PRSS36: variants seen among roughly 807,000 people sequenced by gnomAD.
PRSS36 encodes the protein serine protease 36.
In PRSS36, 90 loss-of-function variants were observed where a neutral mutation model predicts 94.3. That is an observed-to-expected ratio of 0.95 (90% CI 0.80 to 1.14). PRSS36 has a LOEUF of 1.14. PRSS36 is among the 50% of genes most tolerant of loss of function. PRSS36 has a pLI of 0.00. For missense variants in PRSS36, 1,158 were observed against 1,135.0 expected, an observed-to-expected ratio of 1.02 and a Z score of -0.29; for synonymous variants, 500 against 489.6, an observed-to-expected ratio of 1.02 and a Z score of -0.28.
In PRSS36 at chr16:31,138,982, C is replaced by CA. The variant is rs2057635025; in HGVS notation, c.*155dup. 1 of 808,604 alleles carries CA rather than the reference C, an allele frequency of 1.2e-6. No homozygotes were observed. The highest frequency in any genetic ancestry group is 1.7e-5 in the African/African-American group (1 of 57,516). 50.1% of individuals were successfully genotyped at this position (808,604 alleles called of 1,614,324 possible). A position where few individuals can be genotyped will look rare whatever the true frequency, so the allele number is the denominator to read the frequency against. ...CACCACCCCCAAGGATTCCTGGGTT[C>CA]AAAATAGCCCGGGCACTGAGGCCCA... On this transcript the variant is annotated 3_prime_UTR_variant, in exon 15 of 15. Transcript: ENST00000268281.
chr16:31,148,922 A>G (rs903526959), intron 4 of PRSS36, 151 bp downstream of exon 4: 20 of 1,025,390 alleles, frequency 2.0e-5, no homozygotes, highest in Non-Finnish European at 2.7e-5. Context: ...CCCCACTCGG[A>G]ACCATGATGC....
Position 31,148,614 on chromosome 16 carries a change from C to G in PRSS36, c.334G>C (p.Gly112Arg). The G allele has an allele frequency of 1.9e-6, 3 of 1,612,076 alleles. No individual in the cohort carries two copies. The highest frequency in any genetic ancestry group is 2.5e-6 in the Non-Finnish European group (3 of 1,179,516). ...CGGGTGTGCGCGCCGTCCAGGGGCC[C>G]GTCCTGGGAGTGCACGCCCAGCAGT... ...SVLLGVHSQD[G>R]PLDGAHTRAV... is the part of the protein sequence containing the mutation. Residue 112 changes from glycine to arginine, a missense_variant, in exon 5 of 15, where the codon GGG (glycine) becomes CGG (arginine). Coordinates refer to ENST00000268281, the MANE Select transcript of PRSS36 (RefSeq NM_173502.5).
At position 31,143,784 on chromosome 16, in the gene PRSS36, T is replaced by C. The variant is rs1466461893; in HGVS notation, c.774A>G (p.Ala258=). The C allele has an allele frequency of 6.2e-7, 1 of 1,613,966 alleles. No homozygotes were observed. Among genetic ancestry groups the C allele is most frequent in the Non-Finnish European group, 8.5e-7 (1 of 1,180,034 alleles). ...VCEEGGRWFQ[A]GITSFGFGCG... is the part of the protein sequence containing the mutation. ...AGCCAAAGCCAAAGCTGGTGATTCCTGCCTGGAACCAGCGGCCGCCTTCCT... is the reference window on the plus strand; with the variant it reads ...AGCCAAAGCCAAAGCTGGTGATTCCCGCCTGGAACCAGCGGCCGCCTTCCT... The change falls in exon 7 of 15, where the codon GCA becomes GCG. Residue 258 remains alanine (A), a synonymous_variant. Transcript: ENST00000268281.
chr16:31,140,798 T>C (rs763074491), intron 12 of PRSS36, 41 bp from the exon 13 acceptor site: 1 of 1,604,804 alleles, frequency 6.2e-7, no homozygotes, highest in Non-Finnish European at 8.5e-7. Context: ...GCTCCTCCCA[T>C]TGCTGGCAAA....
In PRSS36 at chr16:31,145,826, C is replaced by T. The variant is rs757474838; in HGVS notation, c.683G>A (p.Cys228Tyr). 6 of 1,613,890 alleles carry T rather than the reference C, an allele frequency of 3.7e-6. No homozygotes were observed. In the East Asian group the frequency reaches 1.3e-4, roughly 36 times the overall value. Residue 228 changes from cysteine (C) to tyrosine (Y), a missense_variant, in exon 6 of 15, where the codon TGT (cysteine) becomes TAT (tyrosine). Physicochemically the swap from Cys to Tyr is radical, Grantham distance 194 (BLOSUM62 -2). Coordinates refer to ENST00000268281, the MANE Select transcript of PRSS36 (RefSeq NM_173502.5). ...CCTGCGGCCCTCTGGGTAGCCAGCACACAGCATCCCTGGCAATATCTGGAG... is the reference window on the plus strand; with the variant it reads ...CCTGCGGCCCTCTGGGTAGCCAGCATACAGCATCCCTGGCAATATCTGGAG... ...LTLQILPGMLCAGYPEGRRDT... is the reference protein window; with the variant it reads ...LTLQILPGMLYAGYPEGRRDT...
intron 5 of PRSS36, 90 bp from the exon 6 acceptor site, chr16:31,146,045 T>G (rs2057795917): frequency 7.7e-7 from 1 of 1,290,794 alleles, no homozygotes; most frequent in African/African-American, 1.5e-5. Flanking sequence ...GGCTGCTTCT[T>G]GGACATCAGC....
rs2057754738 is a variant in PRSS36 at position 31,143,719 on chromosome 16, G to A, written c.839C>T (p.Ala280Val). The A allele has an allele frequency of 2.5e-6, 4 of 1,614,166 alleles. 1 individual carries two copies. The highest frequency in any genetic ancestry group is 1.7e-6 in the Non-Finnish European group (2 of 1,180,030). Residue 280 changes from alanine (A) to valine (V), a missense_variant, in exon 7 of 15, where the codon GCT becomes GTT. Physicochemically the swap from Ala to Val is moderately conservative, Grantham distance 64. Coordinates refer to ENST00000268281, the MANE Select transcript of PRSS36 (RefSeq NM_173502.5). ...CTCCCGTATCCATGCCTCATAGGTA[G>A]CCACAGCAGTGAAAACTCCAGGGCG... is the stretch of plus-strand genomic sequence containing the variant. ...RNRPGVFTAV[A>V]TYEAWIREQV...
chr16:31,146,647 TG>T (rs1567452805), intron 5 of PRSS36, among the ~76,000 whole-genome samples: 1 of 151,138 alleles, frequency 6.6e-6, no homozygotes, highest in African/African-American at 2.4e-5. Flanking sequence ...GAGTAGGGGG[TG>T]GGGGGAAGTA....
intron 5 of PRSS36, among the ~76,000 whole-genome samples, chr16:31,147,405 A>G (rs1377607639): frequency 1.3e-5 from 2 of 152,018 alleles, no homozygotes; most frequent in South Asian, 2.1e-4. Flanking sequence ...TCCTGCCCTG[A>G]TGGGACCTCC....
At position 31,148,383 on chromosome 16, in the gene PRSS36, C is replaced by T. The variant is rs375973294; in HGVS notation, c.553+12G>A. On this transcript the variant is annotated intron_variant, in intron 5 of 14. Coordinates refer to ENST00000268281, the MANE Select transcript of PRSS36 (RefSeq NM_173502.5). ...TCCCCGAGGCCCTCCCCTCTTGTCC[C>T]GTCCCACTCACCTGCCTCCTGGACG... 3.9e-6 allele frequency: 6 copies of T among 1,552,018 alleles called. No individual in the cohort carries two copies. Among genetic ancestry groups the T allele is most frequent in the South Asian group, 1.2e-5 (1 of 85,080 alleles).
rs2057721686 is a variant in PRSS36 at position 31,142,598 on chromosome 16, G to T, written c.1404C>A (p.Gly468=). 6.6e-7 allele frequency: 1 copy of T among 1,518,186 alleles called. No homozygotes were observed. Among genetic ancestry groups the T allele is most frequent in the South Asian group, 1.2e-5 (1 of 82,262 alleles). The allele number at this position is 1,518,186 out of a possible 1,614,324, so 94.0% of individuals were successfully genotyped here. A position where few individuals can be genotyped will look rare whatever the true frequency, so the allele number is the denominator to read the frequency against. Reference sequence around the variant, plus strand: ...CGTACAGGCAGTGGCACCACCAGCCGCCTAACAGCTCCGCCTCCAGCAGCG... The same window carrying T: ...CGTACAGGCAGTGGCACCACCAGCCTCCTAACAGCTCCGCCTCCAGCAGCG... The part of the protein sequence containing the change: ...PGALLEAELL[G]GWWCHCLYGR... The change falls in exon 10 of 15, where the codon GGC becomes GGA. Residue 468 remains glycine (G), a synonymous_variant. Coordinates refer to ENST00000268281, the MANE Select transcript of PRSS36 (RefSeq NM_173502.5).
intron 14 of PRSS36, among the ~76,000 whole-genome samples, chr16:31,139,634 C>G (rs1223159697): frequency 6.6e-6 from 1 of 152,094 alleles, no homozygotes; most frequent in East Asian, 1.9e-4. Context: ...AATCCCAACC[C>G]TTTGGGAAGC....
At chr16:31,142,438 C>G in intron 10 of PRSS36, 43 bp downstream of exon 10, 1 of 1,416,732 alleles carries the variant, frequency 7.1e-7, no homozygotes, top group Non-Finnish European at 9.2e-7. Flanking sequence ...TTCCTAGAGC[C>G]CTCTCGGGCC....
rs779102715 is a variant in PRSS36 at position 31,148,712 on chromosome 16, C to T, written c.273-37G>A. The T allele has an allele frequency of 2.5e-6, 4 of 1,607,994 alleles. No individual in the cohort carries two copies. In the African/African-American group the frequency reaches 4.0e-5, roughly 16 times the overall value. Reference sequence around the variant, plus strand: ...CGGGGCAGTAGGAGGTTAGGTTGACCCTATGGAGGGGGCAGACCCTCGTTG... The same window carrying T: ...CGGGGCAGTAGGAGGTTAGGTTGACTCTATGGAGGGGGCAGACCCTCGTTG... On this transcript the variant is annotated intron_variant, in intron 4 of 14. Transcript: ENST00000268281.
chr16:31,142,279 T>C (rs1390781447), intron 10 of PRSS36, among the ~76,000 whole-genome samples: 1 of 151,444 alleles, frequency 6.6e-6, no homozygotes, highest in East Asian at 1.9e-4. Flanking sequence ...CATTCCCAGT[T>C]CCGCAAGCCC....
intron 5 of PRSS36, among the ~76,000 whole-genome samples, chr16:31,146,869 T>G (rs34682121): frequency 2.4e-4 from 37 of 152,200 alleles, no homozygotes; most frequent in Non-Finnish European, 4.1e-4. Flanking sequence ...TAATCCCAGC[T>G]ACTTGGGAGA....
In PRSS36 at chr16:31,145,801, C is replaced by T. The variant is rs761104329; in HGVS notation, c.708G>A (p.Arg236=). Residue 236 remains arginine, a synonymous_variant, in exon 6 of 15, where the codon AGG becomes AGA. Coordinates refer to ENST00000268281, the MANE Select transcript of PRSS36 (RefSeq NM_173502.5). ...GGCCTTCCCTCACCTGGCAGGTGTC[C>T]CTGCGGCCCTCTGGGTAGCCAGCAC... ...MLCAGYPEGR[R]DTCQGDSGGP... The T allele has an allele frequency of 1.2e-6, 2 of 1,613,146 alleles. No individual in the cohort carries two copies. Among genetic ancestry groups the T allele is most frequent in the South Asian group, 2.2e-5 (2 of 91,040 alleles).
intron 14 of PRSS36, among the ~76,000 whole-genome samples, chr16:31,139,879 CAAAAAAAA>C (rs71151448): frequency 2.4e-5 from 1 of 42,504 alleles, no homozygotes; most frequent in African/African-American, 1.1e-4. Flanking sequence ...GACTCAGTCT[CAAAAAAAA>C]AAAAAAAAAA....
At chr16:31,144,198 G>A (rs146301124) in intron 6 of PRSS36, among the ~76,000 whole-genome samples, 8 of 150,974 alleles carry the variant, frequency 5.3e-5, no homozygotes, top group Middle Eastern at 3.4e-3. Context: ...TTTTTGAGAC[G>A]GAATCTCGCT....
Sources: gnomAD v4.1 joint callset for allele counts (sites outside exome capture counted in the v4.1 genomes callset) on GRCh38, gnomAD v4.1.1 for gene constraint, MANE v1.5 for transcripts, NCBI Gene and HGNC (gene_info 2026-07-23, HGNC 2026-07-21) for gene names.